The following CDK7 variants were observed in gnomAD, a reference collection of about 807,000 sequenced individuals.
CDK7 encodes cyclin dependent kinase 7.
In CDK7, 25 loss-of-function variants were observed where a neutral mutation model predicts 49.1. That is an observed-to-expected ratio of 0.51 (90% CI 0.37 to 0.71). The LOEUF is 0.71. CDK7 is among the 30% of genes least tolerant of loss of function. The pLI is 0.00. For synonymous variants in CDK7, 107 were observed against 140.0 expected, an observed-to-expected ratio of 0.76 and a Z score of 1.67; for missense variants, 316 against 411.7, an observed-to-expected ratio of 0.77 and a Z score of 2.01.
At chr5:69,240,760 TG>T (rs755436655) in intron 2 of CDK7, among the ~76,000 whole-genome samples, 40 of 152,092 alleles carry the variant, frequency 2.6e-4, no homozygotes, top group Non-Finnish European at 4.4e-5. Flanking sequence ...CCCGAGTAGC[TG>T]GGATTACAGA....
chr5:69,272,344 T>C (rs894680026), intron 9 of CDK7, among the ~76,000 whole-genome samples: 4 of 152,222 alleles, frequency 2.6e-5, no homozygotes, highest in Non-Finnish European at 5.9e-5. Flanking sequence ...TATTGTTCTT[T>C]TTCAAAATCA....
At chr5:69,235,683 A>G (rs982219159) in intron 2 of CDK7, among the ~76,000 whole-genome samples, 2 of 152,234 alleles carry the variant, frequency 1.3e-5, no homozygotes, top group African/African-American at 4.8e-5. Context: ...TTTTTACTGC[A>G]TAAATTCATA....
At chr5:69,272,187 A>G (rs763029890) in intron 9 of CDK7, among the ~76,000 whole-genome samples, 4 of 152,156 alleles carry the variant, frequency 2.6e-5, no homozygotes, top group African/African-American at 4.8e-5. Context: ...TTTTTCAAAA[A>G]TCCTTTTGGC....
chr5:69,255,316 T>G (rs918904780), intron 4 of CDK7, 144 bp from the exon 5 acceptor site: 2 of 524,354 alleles, frequency 3.8e-6, no homozygotes, highest in Non-Finnish European at 6.8e-6. Flanking sequence ...AAAGGACAAA[T>G]GTCAAATTTA....
intron 10 of CDK7, among the ~76,000 whole-genome samples, chr5:69,274,028 T>G (rs1751853168): frequency 1.3e-5 from 2 of 152,218 alleles, no homozygotes; most frequent in South Asian, 4.1e-4. Context: ...GTACACATAC[T>G]CTTTTAATTT....
intron 3 of CDK7, among the ~76,000 whole-genome samples, chr5:69,253,453 A>T (rs62373160): frequency 0.043 from 6,478 of 152,008 alleles, 197 homozygotes; most frequent in Non-Finnish European, 0.061. Context: ...TTTAGTAGAG[A>T]TGGGGTTTTG....
chr5:69,257,309 A>G (rs1750552573), intron 5 of CDK7, among the ~76,000 whole-genome samples: 1 of 152,204 alleles, frequency 6.6e-6, no homozygotes, highest in Non-Finnish European at 1.5e-5. Flanking sequence ...TAAAAAGGGT[A>G]TGCTTTACCT....
At chr5:69,236,080 A>C (rs1040924383) in intron 2 of CDK7, among the ~76,000 whole-genome samples, 2 of 152,176 alleles carry the variant, frequency 1.3e-5, no homozygotes, top group African/African-American at 4.8e-5. Flanking sequence ...GTCTCTACTA[A>C]AAATACAAAT....
intron 3 of CDK7, among the ~76,000 whole-genome samples, chr5:69,253,088 T>G (rs1009893086): frequency 6.6e-6 from 1 of 152,194 alleles, no homozygotes; most frequent in Non-Finnish European, 1.5e-5. Context: ...CTAATTACTT[T>G]GAAAATTCAG....
At chr5:69,244,943 A>G (rs1324396725) in intron 2 of CDK7, among the ~76,000 whole-genome samples, 1 of 152,164 alleles carries the variant, frequency 6.6e-6, no homozygotes, top group Non-Finnish European at 1.5e-5. Context: ...AAATGATTAT[A>G]TAGTTTCTGT....
At chr5:69,235,186 C>T (rs1748873704) in intron 1 of CDK7, 145 bp downstream of exon 1, 2 of 797,904 alleles carry the variant, frequency 2.5e-6, no homozygotes, top group African/African-American at 1.7e-5. Context: ...ACTTGCTGCC[C>T]ATTCTTTACA....
chr5:69,240,026 T>G (rs1203322972), intron 2 of CDK7, among the ~76,000 whole-genome samples: 1 of 152,070 alleles, frequency 6.6e-6, no homozygotes, highest in Non-Finnish European at 1.5e-5. Flanking sequence ...TTGAGTATTT[T>G]TTCTTCAGTT....
intron 10 of CDK7, 151 bp downstream of exon 10, chr5:69,273,192 C>G (rs998198247): frequency 1.0e-4 from 57 of 566,284 alleles, no homozygotes; most frequent in Non-Finnish European, 1.6e-4. Context: ...TATCTTTTCC[C>G]CAAACTACAA....
intron 2 of CDK7, among the ~76,000 whole-genome samples, chr5:69,249,465 C>T (rs888808465): frequency 7.9e-5 from 12 of 152,162 alleles, no homozygotes; most frequent in Admixed American, 7.2e-4. Context: ...ATGGCTTTAG[C>T]CTGGGAGGCG....
intron 2 of CDK7, among the ~76,000 whole-genome samples, chr5:69,249,590 G>A (rs984766125): frequency 5.9e-5 from 9 of 151,886 alleles, no homozygotes; most frequent in Non-Finnish European, 1.2e-4. Flanking sequence ...GCTGACACTA[G>A]TAATCCCAGC....
chr5:69,266,603 A>G (rs1387754609), intron 8 of CDK7, among the ~76,000 whole-genome samples: 1 of 152,162 alleles, frequency 6.6e-6, no homozygotes, highest in African/African-American at 2.4e-5. Context: ...TTCTCATTTA[A>G]TAGTGAAGGA....
intron 2 of CDK7, among the ~76,000 whole-genome samples, chr5:69,248,208 A>G (rs1214805068): frequency 6.6e-6 from 1 of 152,118 alleles, no homozygotes; most frequent in Non-Finnish European, 1.5e-5. Context: ...ATTTTGCTGA[A>G]TATACTATTC....
rs551799087 is a variant in CDK7, at chr5:69,275,582, C to T, written c.865-961C>T. On this transcript the variant is annotated intron_variant, in intron 10 of 11. Transcript: ENST00000256443. ...AAATCCAAAGCTTTTTGAATGATGA[C>T]GTGATGCCACAAGTGGAAAATTCTA... Among the ~76,000 whole-genome samples the T allele has an allele frequency of 4.0e-4, 61 of 152,204 alleles. No homozygotes were observed. The East Asian group carries it at 8.3e-3, about 21-fold the overall frequency.
In CDK7 at chr5:69,244,453, A is replaced by G. The variant is rs112805682; in HGVS notation, c.127-7965A>G. Among the ~76,000 whole-genome samples the G allele has an allele frequency of 9.6e-3, 1,455 of 151,952 alleles. 15 individuals carry two copies. The highest frequency in any genetic ancestry group is 0.024 in the South Asian group (115 of 4,806). On this transcript the variant is annotated intron_variant, in intron 2 of 11. Coordinates refer to ENST00000256443, the MANE Select transcript of CDK7 (RefSeq NM_001799.4). ...TGGGCGGATCACCTGACCAACATGG[A>G]GAAACCTCGTCTCTACTAAAAGTAC...
Sources: allele counts gnomAD v4.1 joint callset (sites outside exome capture counted in the v4.1 genomes callset), GRCh38; gene constraint gnomAD v4.1.1; transcripts MANE v1.5; gene names NCBI Gene and HGNC (gene_info 2026-07-23, HGNC 2026-07-21).